Variants in ZNFX1 observed in about 807,000 individuals in gnomAD.
The protein encoded by ZNFX1 is zinc finger NFX1-type containing 1.
ZNFX1 carries 78 observed loss-of-function variants against 179.8 expected under a neutral mutation model. That is an observed-to-expected ratio of 0.43 (90% CI 0.36 to 0.52). ZNFX1 has a LOEUF of 0.52. ZNFX1 is among the 20% of genes least tolerant of loss of function. The pLI is 0.00. For synonymous variants in ZNFX1, 848 were observed against 868.5 expected (o/e 0.98, Z 0.42); for missense variants, 1,927 against 2,386.6 (o/e 0.81, Z 4.01).
At position 49,270,048 on chromosome 20, in the gene ZNFX1, G is replaced by T; in HGVS notation, c.1764C>A (p.Gly588=). ...TCAGGGCTTCTTTTGAGGGCCACTG[G>T]CCAGGATCTAAGACATTAATTCTGG... ...RHPRINVLDP[G]QWPSKEALKL... is the part of the protein sequence containing the mutation. Residue 588 remains glycine (G), a synonymous_variant, in exon 3 of 14, where the codon GGC becomes GGA. Transcript: ENST00000396105. The surrounding 1 kb of genome is among the most constrained non-coding windows in gnomAD (Gnocchi z 4.6). The T allele has an allele frequency of 6.2e-7, 1 of 1,614,202 alleles. No homozygotes were observed. The highest frequency in any genetic ancestry group is 8.5e-7 in the Non-Finnish European group (1 of 1,180,024).
At chr20:49,259,152 CAATA>C (rs993976752) in intron 7 of ZNFX1, among the ~76,000 whole-genome samples, 3 of 148,334 alleles carry the variant, frequency 2.0e-5, no homozygotes, top group Non-Finnish European at 3.0e-5. Context: ...AATAAATACA[CAATA>C]AATAAATAAA....
At chr20:49,254,688 C>T (rs1980926224) in intron 9 of ZNFX1, 39 bp from the exon 10 acceptor site, 1 of 1,604,402 alleles carries the variant, frequency 6.2e-7, no homozygotes, top group African/African-American at 1.3e-5. Flanking sequence ...AAGCCACATG[C>T]TCTTTGAGAA....
chr20:49,260,361 T>C (rs1568984720), intron 7 of ZNFX1, 102 bp downstream of exon 7: 19 of 682,250 alleles, frequency 2.8e-5, no homozygotes, highest in Non-Finnish European at 4.0e-5. Flanking sequence ...GATTGACTCA[T>C]AGCTCTTTAT....
chr20:49,255,838 A>G lies in ZNFX1; in HGVS notation c.2774T>C (p.Leu925Pro). 6.2e-7 allele frequency: 1 copy of G among 1,614,068 alleles called. No homozygotes were observed. The highest frequency in any genetic ancestry group is 8.5e-7 in the Non-Finnish European group (1 of 1,179,960). ...AAGCTGCCAGCGAGAACTGAGGTCC[A>G]GCTGCCAAACATCCTCGATCTCGTT... ...EANEIEDVWQLDLSSRWQLYR... is the reference protein window; with the variant it reads ...EANEIEDVWQPDLSSRWQLYR... The change falls in exon 9 of 14, where the codon CTG (leucine) becomes CCG (proline). Residue 925 changes from leucine to proline, a missense_variant. Leu to Pro is a moderately conservative substitution (Grantham distance 98). Transcript: ENST00000396105.
chr20:49,258,823 G>A (rs1035918920), intron 7 of ZNFX1, among the ~76,000 whole-genome samples: 2 of 145,188 alleles, frequency 1.4e-5, no homozygotes, highest in African/African-American at 5.1e-5. Flanking sequence ...AATAAATAAG[G>A]CTGGGCGTGG....
Position 49,254,642 on chromosome 20 carries a change from G to C in ZNFX1, c.2812C>G (p.Leu938Val). ...SSRWQLYRLWLQLYQADTRRK... is the reference protein window; with the variant it reads ...SSRWQLYRLWVQLYQADTRRK... Reference sequence around the variant, plus strand: ...CGGGTGTCAGCCTGGTACAACTGTAGCCAGAGCCTGGAGAATGGGAAGAAC... The same window carrying C: ...CGGGTGTCAGCCTGGTACAACTGTACCCAGAGCCTGGAGAATGGGAAGAAC... The change falls in exon 10 of 14, where the codon CTA (leucine) becomes GTA (valine). Residue 938 changes from leucine (L) to valine (V), a missense_variant. Transcript: ENST00000396105. 1 of 1,613,588 alleles carries C rather than the reference G, an allele frequency of 6.2e-7. No homozygotes were observed. The highest frequency in any genetic ancestry group is 8.5e-7 in the Non-Finnish European group (1 of 1,179,774).
In ZNFX1 at chr20:49,248,027, G is replaced by A; in HGVS notation, c.4997C>T (p.Ala1666Val). 1.2e-6 allele frequency: 2 copies of A among 1,614,158 alleles called. No homozygotes were observed. The highest frequency in any genetic ancestry group is 1.7e-6 in the Non-Finnish European group (2 of 1,180,046). The change falls in exon 14 of 14, where the codon GCC becomes GTC. Residue 1666 changes from alanine (A) to valine (V), a missense_variant. Physicochemically the swap from Ala to Val is moderately conservative, Grantham distance 64. Coordinates refer to ENST00000396105, the MANE Select transcript of ZNFX1 (RefSeq NM_021035.3). The surrounding 1 kb of genome is among the most constrained non-coding windows in gnomAD (Gnocchi z 4.6). ...EIATSQERLK[A>V]LLERKSLLHQ... ...GAGGAGGCTCTTCCTCTCCAGCAGG[G>A]CCTTAAGCCGTTCCTGGCTGGTTGC...
Position 49,246,793 on chromosome 20 carries a change from C to T in ZNFX1, c.*474G>A, listed in dbSNP as rs535615660. 10 of 452,866 alleles carry T rather than the reference C, an allele frequency of 2.2e-5. No homozygotes were observed. The highest frequency in any genetic ancestry group is 4.0e-5 in the African/African-American group (2 of 49,842). The allele number at this position is 452,866 out of a possible 1,614,324, so 28.1% of individuals were successfully genotyped here. Reference sequence around the variant, plus strand: ...TCTGGAGATAAAGTGCTTACTCTAGCGCAGGGGTAAATCTAGAAACAAATG... The same window carrying T: ...TCTGGAGATAAAGTGCTTACTCTAGTGCAGGGGTAAATCTAGAAACAAATG... On this transcript the variant is annotated 3_prime_UTR_variant, in exon 14 of 14. Coordinates refer to ENST00000396105, the MANE Select transcript of ZNFX1 (RefSeq NM_021035.3).
rs2146725857 is a variant in ZNFX1, at chr20:49,246,485, G to A, written c.*782C>T. On this transcript the variant is annotated 3_prime_UTR_variant, in exon 14 of 14. Transcript: ENST00000396105. ...CAGGGTGCCCAAGGAGGGCAGGGAG[G>A]GGTTCTTGTGCTCCTTTAAGGGATA... The A allele has an allele frequency of 6.1e-6, 1 of 164,076 alleles. No homozygotes were observed. Among genetic ancestry groups the A allele is most frequent in the African/African-American group, 2.4e-5 (1 of 41,612 alleles). 10.2% of individuals were successfully genotyped at this position (164,076 alleles called of 1,614,324 possible).
rs777338729 is a variant in ZNFX1, at chr20:49,249,264, T to C, written c.3760A>G (p.Asn1254Asp). 5.3e-5 allele frequency: 85 copies of C among 1,614,074 alleles called. No homozygotes were observed. The highest frequency in any genetic ancestry group is 6.8e-5 in the Non-Finnish European group (80 of 1,180,030). The change falls in exon 14 of 14, where the codon AAT (asparagine) becomes GAT (aspartate). Residue 1254 changes from asparagine to aspartate, a missense_variant. Transcript: ENST00000396105. Reference sequence around the variant, plus strand: ...AGCCGGAGCATGGGGCCTATTTGATTGTTCTCTCGAAGTGTATGAATGATC... The same window carrying C: ...AGCCGGAGCATGGGGCCTATTTGATCGTTCTCTCGAAGTGTATGAATGATC... Reference protein sequence around the residue: ...SKIIHTLRENNQIGPMLRLCC... With the variant: ...SKIIHTLRENDQIGPMLRLCC...
intron 2 of ZNFX1, among the ~76,000 whole-genome samples, chr20:49,272,361 G>A (rs1458099902): frequency 6.6e-6 from 1 of 152,036 alleles, no homozygotes; most frequent in African/African-American, 2.4e-5. Flanking sequence ...ATTTTTAGTA[G>A]AGATGGGGTT....
In ZNFX1 at chr20:49,255,771, C is replaced by T. The variant is rs1442670088; in HGVS notation, c.2804+37G>A. ...GAATGTTCTAGGAACAGAAGAGGAA[C>T]TCCCTACATGGGTTGGCTAGATGTG... On this transcript the variant is annotated intron_variant, in intron 9 of 13. Transcript: ENST00000396105. 1.9e-6 allele frequency: 3 copies of T among 1,568,446 alleles called. No individual in the cohort carries two copies. In the Admixed American group the frequency reaches 5.8e-5, roughly 30 times the overall value.
Position 49,247,052 on chromosome 20 carries a change from A to G in ZNFX1, c.*215T>C. The stretch of plus-strand genomic sequence containing the variant: ...CCCAGCTAATTTTTGTATTTTTAGT[A>G]GAGACGGGGTTTCGCCATGTTGGTC... On this transcript the variant is annotated 3_prime_UTR_variant, in exon 14 of 14. Transcript: ENST00000396105. 1 of 565,704 alleles carries G rather than the reference A, an allele frequency of 1.8e-6. No homozygotes were observed. The highest frequency in any genetic ancestry group is 2.0e-5 in the South Asian group (1 of 50,006). The allele number at this position is 565,704 out of a possible 1,614,324, so 35.0% of individuals were successfully genotyped here.
chr20:49,270,759 G>A lies in ZNFX1; in HGVS notation c.1053C>T (p.Pro351=). Residue 351 remains proline, a synonymous_variant, in exon 3 of 14, where the codon CCC becomes CCT. Transcript: ENST00000396105. The surrounding 1 kb of genome is among the most constrained non-coding windows in gnomAD (Gnocchi z 4.6). ...TYNEVHLDER[P]FLRPNIISGK... is the part of the protein sequence containing the mutation. ...CAGAAATGATATTGGGGCGAAGGAA[G>A]GGCCTCTCATCCAAGTGCACTTCAT... is the stretch of plus-strand genomic sequence containing the variant. 6.2e-7 allele frequency: 1 copy of A among 1,614,164 alleles called. No homozygotes were observed. Among genetic ancestry groups the A allele is most frequent in the Non-Finnish European group, 8.5e-7 (1 of 1,180,034 alleles).
At chr20:49,261,862 G>A (rs570233) in intron 6 of ZNFX1, among the ~76,000 whole-genome samples, 22 of 150,918 alleles carry the variant, frequency 1.5e-4, no homozygotes, top group Non-Finnish European at 2.7e-4. Flanking sequence ...TAGCCAGGAT[G>A]GTCTCAATCT....
intron 2 of ZNFX1, among the ~76,000 whole-genome samples, chr20:49,273,702 G>A (rs1333596886): frequency 1.3e-5 from 2 of 152,160 alleles, no homozygotes; most frequent in African/African-American, 4.8e-5. Flanking sequence ...GGCTAAGGCA[G>A]GCAGATCGCT....
Position 49,247,526 on chromosome 20 carries a change from A to T in ZNFX1, c.5498T>A (p.Val1833Glu). The stretch of plus-strand genomic sequence containing the variant: ...ATAACCTATGGCACTGACAATCTGC[A>T]CTCGCTCTTCCTCTGAGATGCCCAG... Reference protein sequence around the residue: ...SGLGISEEERVQIVSAIGYPR... With the variant: ...SGLGISEEEREQIVSAIGYPR... Residue 1833 changes from valine (V) to glutamate (E), a missense_variant, in exon 14 of 14, where the codon GTG becomes GAG. Physicochemically the swap from Val to Glu is moderately radical, Grantham distance 121. Transcript: ENST00000396105. 1 of 1,614,038 alleles carries T rather than the reference A, an allele frequency of 6.2e-7. No homozygotes were observed. Among genetic ancestry groups the T allele is most frequent in the Admixed American group, 1.7e-5 (1 of 60,010 alleles).
intron 13 of ZNFX1, among the ~76,000 whole-genome samples, chr20:49,250,376 C>G (rs1980806091): frequency 6.6e-6 from 1 of 152,244 alleles, no homozygotes; most frequent in African/African-American, 2.4e-5. Context: ...GAGCACTCCA[C>G]TGTGCTGACT....
chr20:49,272,845 T>C (rs1981452239), intron 2 of ZNFX1, among the ~76,000 whole-genome samples: 1 of 152,210 alleles, frequency 6.6e-6, no homozygotes, highest in Non-Finnish European at 1.5e-5. Flanking sequence ...ACCCTCATAG[T>C]ACTTACCAAT....
Sources: allele counts gnomAD v4.1 joint callset (sites outside exome capture counted in the v4.1 genomes callset), GRCh38; gene constraint gnomAD v4.1.1; non-coding constraint Gnocchi (gnomAD v3.1); transcripts MANE v1.5; gene names NCBI Gene and HGNC (gene_info 2026-07-23, HGNC 2026-07-21).